The following FAT3 variants were observed in gnomAD, a reference collection of about 807,000 sequenced individuals.
FAT3 encodes the protein protocadherin Fat 3.
FAT3 carries 95 observed loss-of-function variants against 310.2 expected under a neutral mutation model. The observed-to-expected ratio is 0.31, with a 90% CI of 0.26 to 0.36. FAT3 has a LOEUF of 0.36. FAT3 is among the 10% of genes least tolerant of loss of function. The pLI is 1.00. For synonymous variants in FAT3, 2,314 were observed against 2,192.9 expected, an observed-to-expected ratio of 1.06 and a Z score of -1.54; for missense variants, 5,408 against 5,715.6, an observed-to-expected ratio of 0.95 and a Z score of 1.74.
chr11:92,767,047 G>A (rs1349822556), intron 6 of FAT3, among the ~76,000 whole-genome samples: 1 of 152,006 alleles, frequency 6.6e-6, no homozygotes, highest in Non-Finnish European at 1.5e-5. Flanking sequence ...TCAGAAGTTC[G>A]AGACCAACGT....
intron 3 of FAT3, among the ~76,000 whole-genome samples, chr11:92,569,309 G>C (rs1955587061): frequency 6.6e-6 from 1 of 152,186 alleles, no homozygotes; most frequent in Non-Finnish European, 1.5e-5. Flanking sequence ...GAATGATGTG[G>C]AAGTGCATGC....
chr11:92,235,249 C>T (rs1864370610), intron 1 of FAT3, among the ~76,000 whole-genome samples: 1 of 152,104 alleles, frequency 6.6e-6, no homozygotes, highest in Non-Finnish European at 1.5e-5. Context: ...CTTTTTCTCT[C>T]TTTGGTACTT....
rs368970780 is a variant in FAT3, at chr11:92,887,537, A to G, written c.13051+424A>G. ...AGTTCAGAGACAAAAACCTTCTTAT[A>G]GAACCAGTGGAATCTTCATTCAATT... On this transcript the variant is annotated intron_variant, in intron 25 of 27. Transcript: ENST00000525166. Among the ~76,000 whole-genome samples, 6 of 152,368 alleles carry G rather than the reference A, an allele frequency of 3.9e-5. No homozygotes were observed. The East Asian group carries it at 9.6e-4, about 24-fold the overall frequency.
intron 3 of FAT3, among the ~76,000 whole-genome samples, chr11:92,649,088 A>T (rs1445320197): frequency 6.6e-6 from 1 of 152,126 alleles, no homozygotes; most frequent in East Asian, 1.9e-4. Context: ...TCTCATATTC[A>T]GTGTGTGGAA....
At chr11:92,558,804 C>G (rs1212581052) in intron 3 of FAT3, among the ~76,000 whole-genome samples, 1 of 152,082 alleles carries the variant, frequency 6.6e-6, no homozygotes, top group South Asian at 2.1e-4. Context: ...TTCCAGGGGT[C>G]CAATTCTTTA....
chr11:92,229,492 G>T (rs5029692), intron 1 of FAT3, among the ~76,000 whole-genome samples: 23,593 of 58,088 alleles, frequency 0.41, 5,352 homozygotes, highest in Middle Eastern at 0.49. Context: ...GTTTTTTCGT[G>T]TTTTTTTTTT....
chr11:92,465,751 A>G (rs534117316), intron 2 of FAT3, among the ~76,000 whole-genome samples: 10 of 152,292 alleles, frequency 6.6e-5, no homozygotes, highest in Admixed American at 4.6e-4. Context: ...ATTCGGAGAA[A>G]TACCTGATGT....
At chr11:92,607,863 T>C (rs982591435) in intron 3 of FAT3, among the ~76,000 whole-genome samples, 1 of 152,214 alleles carries the variant, frequency 6.6e-6, no homozygotes, top group African/African-American at 2.4e-5. Flanking sequence ...ATACCTTTAA[T>C]ATTACCACTT....
intron 4 of FAT3, among the ~76,000 whole-genome samples, chr11:92,737,457 C>T (rs564449771): frequency 2.0e-5 from 3 of 152,104 alleles, no homozygotes; most frequent in African/African-American, 7.2e-5. Context: ...GATTAAAAAC[C>T]TCACCCAAAG....
In FAT3 at chr11:92,832,070, C is replaced by A. The variant is rs569508924; in HGVS notation, c.9871+59C>A. On this transcript the variant is annotated intron_variant, in intron 14 of 27. Transcript: ENST00000525166. ...CTTCAGCTTGGCACGGTGGCTCACA[C>A]CTGTAAACCTAGCACTTTGGGAGGC... The A allele has an allele frequency of 8.3e-4, 1,218 of 1,469,904 alleles. 4 individuals carry two copies. The highest frequency in any genetic ancestry group is 5.4e-3 in the South Asian group (394 of 72,396). 91.1% of individuals were successfully genotyped at this position (1,469,904 alleles called of 1,614,324 possible).
At chr11:92,228,583 G>A (rs1590975174) in intron 1 of FAT3, among the ~76,000 whole-genome samples, 1 of 152,300 alleles carries the variant, frequency 6.6e-6, no homozygotes, top group East Asian at 1.9e-4. Context: ...GATGAATTAT[G>A]TCAAATAGAA....
chr11:92,445,823 A>G (rs1452554241), intron 2 of FAT3, among the ~76,000 whole-genome samples: 2 of 151,966 alleles, frequency 1.3e-5, no homozygotes, highest in African/African-American at 4.8e-5. Flanking sequence ...CAATGATGAG[A>G]GTGTTCAGGA....
At chr11:92,823,942 C>G (rs1948035873) in intron 13 of FAT3, among the ~76,000 whole-genome samples, 1 of 152,082 alleles carries the variant, frequency 6.6e-6, no homozygotes, top group Non-Finnish European at 1.5e-5. Context: ...ATATTTCAAA[C>G]AGAGGAAAAA....
intron 1 of FAT3, among the ~76,000 whole-genome samples, chr11:92,233,971 A>G (rs989698614): frequency 6.6e-6 from 1 of 152,218 alleles, no homozygotes; most frequent in Non-Finnish European, 1.5e-5. Flanking sequence ...TCATATCCAA[A>G]GAGAAAGAGG....
intron 4 of FAT3, among the ~76,000 whole-genome samples, chr11:92,705,195 T>A (rs1019909563): frequency 2.6e-5 from 4 of 152,192 alleles, no homozygotes; most frequent in Non-Finnish European, 5.9e-5. Context: ...GCAGATTTTT[T>A]AAAATTCATG....
intron 3 of FAT3, among the ~76,000 whole-genome samples, chr11:92,599,046 C>T (rs1322084302): frequency 6.6e-6 from 1 of 152,176 alleles, no homozygotes; most frequent in African/African-American, 2.4e-5. Context: ...GTCTGGACTG[C>T]ATCAGATCTG....
chr11:92,574,352 C>T (rs1938349331), intron 3 of FAT3, among the ~76,000 whole-genome samples: 1 of 152,170 alleles, frequency 6.6e-6, no homozygotes, highest in Non-Finnish European at 1.5e-5. Context: ...TATCTTCTCC[C>T]ATGAATCCAC....
At position 92,800,100 on chromosome 11, in the gene FAT3, A is replaced by T; in HGVS notation, c.7087A>T (p.Lys2363Ter). 2 of 1,613,986 alleles carry T rather than the reference A, an allele frequency of 1.2e-6. No homozygotes were observed. The highest frequency in any genetic ancestry group is 1.7e-6 in the Non-Finnish European group (2 of 1,179,882). ...DHELVQHCTL[K>*]VRSIDSGFPS... ...TGAGTTAGTACAACACTGCACTTTGAAAGTCAGATCAATAGATAGTGGCTT... is the reference window on the plus strand; with the variant it reads ...TGAGTTAGTACAACACTGCACTTTGTAAGTCAGATCAATAGATAGTGGCTT... Residue 2363 changes from lysine (K) to a stop codon, truncating the protein, a stop_gained, in exon 10 of 28, where the codon AAA (lysine) becomes TAA (stop). Coordinates refer to ENST00000525166, the MANE Select transcript of FAT3 (RefSeq NM_001367949.2). LOFTEE classifies it high-confidence loss of function.
intron 4 of FAT3, among the ~76,000 whole-genome samples, chr11:92,710,971 G>A (rs576597412): frequency 5.0e-4 from 76 of 152,208 alleles, no homozygotes; most frequent in African/African-American, 1.7e-3. Flanking sequence ...AATTATTTCC[G>A]ATTATAGAAA....
Sources: gnomAD v4.1 joint callset for allele counts (sites outside exome capture counted in the v4.1 genomes callset) on GRCh38, gnomAD v4.1.1 for gene constraint, MANE v1.5 for transcripts, NCBI Gene and HGNC (gene_info 2026-07-23, HGNC 2026-07-21) for gene names.